YTHDC1: variants seen among roughly 807,000 people sequenced by gnomAD.
The protein encoded by YTHDC1 is YTH N6-methyladenosine RNA binding protein C1.
A neutral mutation model predicts 107.0 loss-of-function variants in YTHDC1; 12 were observed. The observed-to-expected ratio is 0.11, with a 90% CI of 0.07 to 0.18. The LOEUF is 0.18. YTHDC1 is among the 10% of genes least tolerant of loss of function. The pLI, the probability that YTHDC1 is intolerant of heterozygous loss-of-function variation, is 1.00. For missense variants in YTHDC1, 635 were observed against 898.8 expected, an observed-to-expected ratio of 0.71 and a Z score of 3.75; for synonymous variants, 280 against 289.5, an observed-to-expected ratio of 0.97 and a Z score of 0.33.
chr4:68,345,204 C>A (rs1190078005), intron 1 of YTHDC1, among the ~76,000 whole-genome samples: 1 of 152,054 alleles, frequency 6.6e-6, no homozygotes, highest in African/African-American at 2.4e-5. Context: ...AGGTCACAAA[C>A]TTTAACTCTA....
chr4:68,313,261 T>C lies in YTHDC1; in HGVS notation c.*838A>G, dbSNP rs536312166. The C allele has an allele frequency of 6.6e-6, 1 of 152,490 alleles. No individual in the cohort carries two copies. Among genetic ancestry groups the C allele is most frequent in the Non-Finnish European group, 1.5e-5 (1 of 68,038 alleles). 9.4% of individuals were successfully genotyped at this position (152,490 alleles called of 1,614,324 possible). ...TTCCTGAACAAAAAGCATGCTTTTA[T>C]GTCCATTATTGCATAATAAAACAAA... On this transcript the variant is annotated 3_prime_UTR_variant, in exon 17 of 17. Coordinates refer to ENST00000344157, the MANE Select transcript of YTHDC1 (RefSeq NM_001031732.4).
At chr4:68,343,412 G>C (rs2109742933) in intron 1 of YTHDC1, among the ~76,000 whole-genome samples, 1 of 151,186 alleles carries the variant, frequency 6.6e-6, no homozygotes, top group South Asian at 2.1e-4. Context: ...ATGTTGTCCA[G>C]GCTGTTCTCG....
chr4:68,349,638 C>T (rs1159072107), intron 1 of YTHDC1, 88 bp downstream of exon 1: 1 of 298,054 alleles, frequency 3.4e-6, no homozygotes, highest in Admixed American at 4.0e-5. Flanking sequence ...CCAACCCCCA[C>T]CCCCCACCCC....
intron 7 of YTHDC1, 111 bp from the exon 8 acceptor site, chr4:68,330,421 G>A (rs1723443946): frequency 3.2e-6 from 2 of 620,960 alleles, no homozygotes; most frequent in Non-Finnish European, 2.6e-6. Flanking sequence ...ATTTAAGTAA[G>A]CTATAATGAA....
intron 11 of YTHDC1, 109 bp from the exon 12 acceptor site, chr4:68,320,314 C>T (rs904044397): frequency 6.4e-5 from 45 of 700,820 alleles, no homozygotes; most frequent in Non-Finnish European, 9.3e-5. Context: ...CATTATTTAA[C>T]ATCTTAATTT....
chr4:68,319,074 T>C (rs529840464), intron 12 of YTHDC1, among the ~76,000 whole-genome samples: 2 of 152,340 alleles, frequency 1.3e-5, no homozygotes, highest in African/African-American at 2.4e-5. Flanking sequence ...TGTAAACTGC[T>C]AGAGAAGCTT....
intron 6 of YTHDC1, 128 bp downstream of exon 6, chr4:68,332,666 A>G: frequency 1.3e-6 from 1 of 751,550 alleles, no homozygotes; most frequent in Non-Finnish European, 2.1e-6. Context: ...ATGTTAAGAT[A>G]TTATTTTTTG....
intron 7 of YTHDC1, among the ~76,000 whole-genome samples, chr4:68,331,476 GTAGT>G (rs1469069638): frequency 2.0e-5 from 3 of 152,092 alleles, no homozygotes; most frequent in Non-Finnish European, 4.4e-5. Flanking sequence ...AGTTGAAACT[GTAGT>G]TACTCAGTTT....
intron 7 of YTHDC1, among the ~76,000 whole-genome samples, chr4:68,331,290 G>C (rs1410072179): frequency 6.6e-6 from 1 of 152,042 alleles, no homozygotes; most frequent in Non-Finnish European, 1.5e-5. Context: ...GATACCGAGG[G>C]CCAAGTGTAC....
intron 9 of YTHDC1, among the ~76,000 whole-genome samples, 194 bp downstream of exon 9, chr4:68,329,808 A>G (rs114487749): frequency 6.6e-5 from 10 of 152,326 alleles, no homozygotes; most frequent in Non-Finnish European, 1.3e-4. Flanking sequence ...TTACTGCTTT[A>G]TTACTAATAT....
At chr4:68,331,507 A>G (rs1723578534) in intron 7 of YTHDC1, among the ~76,000 whole-genome samples, 1 of 152,128 alleles carries the variant, frequency 6.6e-6, no homozygotes. Context: ...AGAATAGCAA[A>G]ACACTGTAAC....
In YTHDC1 at chr4:68,339,706, C is replaced by G. The variant is rs143586676; in HGVS notation, c.29-1322G>C. ...AAAATTCTTCACACTGCACTTGTAGCTATTATGCTTATCTGAAATTATGTC... is the reference window on the plus strand; with the variant it reads ...AAAATTCTTCACACTGCACTTGTAGGTATTATGCTTATCTGAAATTATGTC... On this transcript the variant is annotated intron_variant, in intron 1 of 16. Transcript: ENST00000344157. Among the ~76,000 whole-genome samples the G allele has an allele frequency of 1.3e-5, 2 of 152,160 alleles. 1 individual carries two copies. The highest frequency in any genetic ancestry group is 2.9e-5 in the Non-Finnish European group (2 of 67,980).
At chr4:68,336,955 A>T (rs1724233359) in intron 4 of YTHDC1, 72 bp downstream of exon 4, 4 of 1,509,098 alleles carry the variant, frequency 2.7e-6, no homozygotes. Context: ...CAATTTTATA[A>T]TTTAAACATT....
rs1721468959 is a variant in YTHDC1, at chr4:68,313,472, AC to A, written c.*626del. The A allele has an allele frequency of 6.5e-6, 1 of 153,044 alleles. No individual in the cohort carries two copies. The highest frequency in any genetic ancestry group is 1.5e-5 in the Non-Finnish European group (1 of 68,344). The allele number at this position is 153,044 out of a possible 1,614,324, so 9.5% of individuals were successfully genotyped here. ...GCTAAACAATAGCATCAACCACGCT[AC>A]TGAACATAGGAATTTTTCATTTAAA... On this transcript the variant is annotated 3_prime_UTR_variant, in exon 17 of 17. Transcript: ENST00000344157.
At chr4:68,316,823 A>C (rs1459477938) in intron 15 of YTHDC1, among the ~76,000 whole-genome samples, 1 of 152,202 alleles carries the variant, frequency 6.6e-6, no homozygotes, top group Non-Finnish European at 1.5e-5. Context: ...ACAAGGAGTT[A>C]AGTAACCTGC....
At chr4:68,339,347 G>A (rs1021633121) in intron 1 of YTHDC1, among the ~76,000 whole-genome samples, 1 of 152,162 alleles carries the variant, frequency 6.6e-6, no homozygotes, top group South Asian at 2.1e-4. Context: ...CAAAGAGTAA[G>A]AACTATTTCA....
intron 15 of YTHDC1, among the ~76,000 whole-genome samples, chr4:68,316,724 A>T (rs1721898591): frequency 6.6e-6 from 1 of 152,198 alleles, no homozygotes; most frequent in Non-Finnish European, 1.5e-5. Context: ...GCATTGTTCT[A>T]AGCACTTTAC....
chr4:68,347,975 TAA>T (rs894328668), intron 1 of YTHDC1, among the ~76,000 whole-genome samples: 2 of 152,138 alleles, frequency 1.3e-5, no homozygotes, highest in African/African-American at 2.4e-5. Flanking sequence ...AGTTTTTAAA[TAA>T]AGTTATGAAA....
At chr4:68,315,357 T>G (rs1301152078) in intron 16 of YTHDC1, among the ~76,000 whole-genome samples, 3 of 152,140 alleles carry the variant, frequency 2.0e-5, no homozygotes, top group African/African-American at 7.2e-5. Flanking sequence ...CACAAAAAAA[T>G]GTCTCAAAGA....
Sources: gnomAD v4.1 joint callset for allele counts (sites outside exome capture counted in the v4.1 genomes callset) on GRCh38, gnomAD v4.1.1 for gene constraint, MANE v1.5 for transcripts, NCBI Gene and HGNC (gene_info 2026-07-23, HGNC 2026-07-21) for gene names.